ZFHX3: variants seen among roughly 807,000 people sequenced by gnomAD.
ZFHX3 encodes zinc finger homeobox 3.
Under a neutral mutation model 279.1 loss-of-function variants are expected in ZFHX3, and 42 were observed. The ratio of observed to expected loss-of-function variants is 0.15; its 90% CI spans 0.12 to 0.19. ZFHX3 has a LOEUF of 0.19. Ranked by LOEUF, ZFHX3 falls within the 10% of genes least tolerant of loss-of-function variation. ZFHX3 has a pLI of 1.00. For synonymous variants in ZFHX3, 2,293 were observed against 1,957.8 expected (o/e 1.17, Z -4.52); for missense variants, 4,981 against 4,754.0 (o/e 1.05, Z -1.40).
rs372167474 is a variant in ZFHX3 at position 72,962,803 on chromosome 16, G to A, written c.-49-2609C>T. 8.5e-5 allele frequency among the ~76,000 whole-genome samples: 13 copies of A among 152,194 alleles called. No homozygotes were observed. In the East Asian group the frequency reaches 2.5e-3, roughly 30 times the overall value. On this transcript the variant is annotated intron_variant, in intron 1 of 9. Transcript: ENST00000268489. ...CACAGCTCTTCTGTCCTTGGTACCT[G>A]TATTGCTAGGTAACCAGGGAAGGTC... is the stretch of plus-strand genomic sequence containing the variant.
At chr16:73,017,865 T>C (rs1005353484) in intron 1 of ZFHX3, among the ~76,000 whole-genome samples, 1 of 152,214 alleles carries the variant, frequency 6.6e-6, no homozygotes, top group East Asian at 1.9e-4. Flanking sequence ...GACCCATCCC[T>C]ACCTCTGCAG....
chr16:73,654,853 ACT>A (rs774761568), intron 2 of ZFHX3, among the ~76,000 whole-genome samples: 5 of 89,556 alleles, frequency 5.6e-5, no homozygotes, highest in Admixed American at 1.5e-4. Context: ...GATAGTAATC[ACT>A]TTTTTTTTTT....
In ZFHX3 at chr16:73,455,335, C is replaced by A. The variant is rs2018353147; in HGVS notation, c.-1291+668G>T. Among the ~76,000 whole-genome samples, 5 of 152,304 alleles carry A rather than the reference C, an allele frequency of 3.3e-5. No individual in the cohort carries two copies. In the South Asian group the frequency reaches 1.0e-3, roughly 32 times the overall value. ...GATTGCGAGAATAGAGATCATTCAT[C>A]CAGTTCCTTAGTGCATCATAGGAAC... On this transcript the variant is annotated intron_variant, in intron 3 of 17. Transcript: ENST00000641206.
chr16:73,830,859 G>A (rs1653096575), intron 1 of ZFHX3, among the ~76,000 whole-genome samples: 1 of 152,130 alleles, frequency 6.6e-6, no homozygotes, highest in South Asian at 2.1e-4. Flanking sequence ...CAAATGAACA[G>A]AAGCCAGCAA....
chr16:73,647,405 G>A (rs1182609480), intron 2 of ZFHX3, among the ~76,000 whole-genome samples: 1 of 152,166 alleles, frequency 6.6e-6, no homozygotes, highest in Non-Finnish European at 1.5e-5. Context: ...ATTCTCCTTT[G>A]CTGTTCTCGT....
intron 2 of ZFHX3, among the ~76,000 whole-genome samples, chr16:73,492,951 A>G (rs955325094): frequency 6.6e-6 from 1 of 152,184 alleles, no homozygotes; most frequent in Non-Finnish European, 1.5e-5. Flanking sequence ...AAATAAATAA[A>G]TGTTAATCAA....
chr16:73,107,659 T>C (rs1966320654), intron 7 of ZFHX3, among the ~76,000 whole-genome samples: 1 of 152,194 alleles, frequency 6.6e-6, no homozygotes, highest in South Asian at 2.1e-4. Context: ...TGTGAGCATC[T>C]TGAGGGCAGC....
At chr16:73,850,825 C>A (rs1961575911) in intron 1 of ZFHX3, among the ~76,000 whole-genome samples, 1 of 152,112 alleles carries the variant, frequency 6.6e-6, no homozygotes, top group South Asian at 2.1e-4. Context: ...GCTGCTTCCT[C>A]AGGGTGAAGG....
intron 3 of ZFHX3, among the ~76,000 whole-genome samples, chr16:73,350,495 G>A (rs2016218658): frequency 6.6e-6 from 1 of 152,150 alleles, no homozygotes; most frequent in Non-Finnish European, 1.5e-5. Context: ...CTTTCAAGAG[G>A]TGGTACTTGG....
At chr16:73,107,080 G>C (rs1966314832) in intron 7 of ZFHX3, among the ~76,000 whole-genome samples, 1 of 152,198 alleles carries the variant, frequency 6.6e-6, no homozygotes. Flanking sequence ...ACTTTGGGAG[G>C]ACGAGGCAGG....
chr16:73,577,982 T>TGA (rs2051818340), intron 2 of ZFHX3, among the ~76,000 whole-genome samples: 2 of 152,242 alleles, frequency 1.3e-5, no homozygotes. Flanking sequence ...AATGTTGAGC[T>TGA]TGCTGACTGA....
chr16:73,612,011 C>T (rs1437495945), intron 2 of ZFHX3, among the ~76,000 whole-genome samples: 1 of 152,102 alleles, frequency 6.6e-6, no homozygotes, highest in African/African-American at 2.4e-5. Flanking sequence ...TGAAAGACAG[C>T]AACTGTACAT....
intron 3 of ZFHX3, among the ~76,000 whole-genome samples, chr16:73,447,929 G>A (rs1316989205): frequency 2.6e-5 from 4 of 152,196 alleles, no homozygotes; most frequent in South Asian, 2.1e-4. Context: ...TAAAAGCATT[G>A]AGGAGTTGAT....
chr16:73,170,378 A>G (rs1489958494), intron 5 of ZFHX3, among the ~76,000 whole-genome samples: 2 of 151,766 alleles, frequency 1.3e-5, no homozygotes, highest in Non-Finnish European at 2.9e-5. Flanking sequence ...CTACAGTCAC[A>G]TGTCACCAGA....
At chr16:73,062,404 A>C (rs1401780947), upstream of ZFHX3, 1 of 152,196 alleles carries the variant, frequency 6.6e-6, no homozygotes, top group African/African-American at 2.4e-5. Flanking sequence ...TACTGGGCAG[A>C]GCTGTGTGAG....
At chr16:73,706,003 C>G (rs1320368644) in intron 1 of ZFHX3, among the ~76,000 whole-genome samples, 1 of 152,152 alleles carries the variant, frequency 6.6e-6, no homozygotes, top group African/African-American at 2.4e-5. Flanking sequence ...CTAAGCCACC[C>G]AGAAATCATT....
At chr16:73,135,677 A>C (rs1438022436) in intron 6 of ZFHX3, among the ~76,000 whole-genome samples, 1 of 152,164 alleles carries the variant, frequency 6.6e-6, no homozygotes, top group African/African-American at 2.4e-5. Flanking sequence ...AACAATCAAA[A>C]TTTGAGATAT....
rs909373581 is a variant in ZFHX3 at position 72,991,975 on chromosome 16, G to A, written c.-49-31781C>T. ...ATTTGTGGTTATAACGGAGGATCCC[G>A]TGAAAAGAAAAATGTAAAGCAAATA... is the stretch of plus-strand genomic sequence containing the variant. On this transcript the variant is annotated intron_variant, in intron 1 of 9. Transcript: ENST00000268489. Among the ~76,000 whole-genome samples, 10 of 152,264 alleles carry A rather than the reference G, an allele frequency of 6.6e-5. No individual in the cohort carries two copies. In the East Asian group the frequency reaches 1.4e-3, roughly 21 times the overall value.
At position 72,795,713 on chromosome 16, in the gene ZFHX3, T is replaced by G; in HGVS notation, c.6969A>C (p.Thr2323=). 1 of 1,614,170 alleles carries G rather than the reference T, an allele frequency of 6.2e-7. No homozygotes were observed. Among genetic ancestry groups the G allele is most frequent in the Non-Finnish European group, 8.5e-7 (1 of 1,180,038 alleles). ...TTTTGCACTGGTAGTTCAAGTTGCT[T>G]GTTCGAATGTATCTATCATTTGTAA... ...RELTNDRYIR[T]SNLNYQCKKC... Residue 2323 remains threonine, a synonymous_variant, in exon 9 of 10, where the codon ACA becomes ACC. Coordinates refer to ENST00000268489, the MANE Select transcript of ZFHX3 (RefSeq NM_006885.4).
Sources: allele counts gnomAD v4.1 joint callset (sites outside exome capture counted in the v4.1 genomes callset), GRCh38; gene constraint gnomAD v4.1.1; transcripts MANE v1.5; gene names NCBI Gene and HGNC (gene_info 2026-07-23, HGNC 2026-07-21).